The following SLC22A5 variants were observed in gnomAD, a reference collection of about 807,000 sequenced individuals.
SLC22A5 encodes organic cation/carnitine transporter 2.
In SLC22A5, 44 loss-of-function variants were observed where a neutral mutation model predicts 56.7. The ratio of observed to expected loss-of-function variants is 0.78; its 90% CI spans 0.61 to 1.00. The LOEUF is 1.00. SLC22A5 is among the 50% of genes least tolerant of loss of function. The pLI is 0.00. For synonymous variants in SLC22A5, 278 were observed against 292.1 expected (o/e 0.95, Z 0.49); for missense variants, 675 against 723.0 (o/e 0.93, Z 0.76).
At chr5:132,383,923 T>A in intron 2 of SLC22A5, 1 of 590,088 alleles carries the variant, frequency 1.7e-6, no homozygotes, top group Non-Finnish European at 3.0e-6. Context: ...TAGCATTGCT[T>A]TTTAGGCAAC....
Position 132,387,074 on chromosome 5 carries a change from G to C in SLC22A5, c.874G>C (p.Glu292Gln). Residue 292 changes from glutamate to glutamine, a missense_variant, in exon 5 of 10, where the codon GAG becomes CAG. Physicochemically the swap from Glu to Gln is conservative, Grantham distance 29. Coordinates refer to ENST00000245407, the MANE Select transcript of SLC22A5 (RefSeq NM_003060.4). ...GCTCATCTCTCAGGGACGATTTGAAGAGGCAGAGGTGATCATCCGCAAGGC... is the reference window on the plus strand; with the variant it reads ...GCTCATCTCTCAGGGACGATTTGAACAGGCAGAGGTGATCATCCGCAAGGC... ...RWLISQGRFE[E>Q]AEVIIRKAAK... 1 of 1,614,152 alleles carries C rather than the reference G, an allele frequency of 6.2e-7. No homozygotes were observed. Among genetic ancestry groups the C allele is most frequent in the Non-Finnish European group, 8.5e-7 (1 of 1,179,984 alleles).
At position 132,387,146 on chromosome 5, in the gene SLC22A5, A is replaced by G; in HGVS notation, c.946A>G (p.Ser316Gly). The G allele has an allele frequency of 6.2e-7, 1 of 1,614,142 alleles. No individual in the cohort carries two copies. Among genetic ancestry groups the G allele is most frequent in the Non-Finnish European group, 8.5e-7 (1 of 1,180,018 alleles). Residue 316 changes from serine to glycine, a missense_variant, in exon 5 of 10, where the codon AGT (serine) becomes GGT (glycine). Ser to Gly is a moderately conservative substitution (Grantham distance 56). Transcript: ENST00000245407. ...TGTGCCTTCCACTATCTTTGACCCG[A>G]GTGAGGTAAGCACCATGTGGGTGTG... ...IVVPSTIFDPSELQDLSSKKQ... is the reference protein window; with the variant it reads ...IVVPSTIFDPGELQDLSSKKQ...
chr5:132,388,496 A>T (rs933495473), intron 5 of SLC22A5, among the ~76,000 whole-genome samples: 3 of 152,144 alleles, frequency 2.0e-5, no homozygotes, highest in African/African-American at 7.2e-5. Context: ...AAGGACTCAA[A>T]ACATTAACTT....
At chr5:132,387,372 A>T (rs1186089785) in intron 5 of SLC22A5, among the ~76,000 whole-genome samples, 1 of 140,394 alleles carries the variant, frequency 7.1e-6, no homozygotes, top group Non-Finnish European at 1.5e-5. Context: ...TCTTTTCACC[A>T]CGGGTTTCAG....
At chr5:132,386,979 G>C (rs374532269) in intron 4 of SLC22A5, 46 bp from the exon 5 acceptor site, 159 of 1,610,546 alleles carry the variant, frequency 9.9e-5, no homozygotes, top group Middle Eastern at 1.7e-4. Flanking sequence ...CTGTGGGTCT[G>C]CTGTTGGCAG....
At chr5:132,371,684 T>A (rs1027041143) in intron 1 of SLC22A5, among the ~76,000 whole-genome samples, 1 of 152,066 alleles carries the variant, frequency 6.6e-6, no homozygotes, top group African/African-American at 2.4e-5. Context: ...AGAGGAGGCC[T>A]CTCCGTGAGC....
intron 1 of SLC22A5, among the ~76,000 whole-genome samples, chr5:132,374,667 G>A (rs967116941): frequency 1.3e-5 from 2 of 152,162 alleles, no homozygotes; most frequent in South Asian, 2.1e-4. Flanking sequence ...CTGGCCATGA[G>A]TGGTCAGATT....
intron 5 of SLC22A5, among the ~76,000 whole-genome samples, chr5:132,388,561 G>A (rs1475715886): frequency 1.3e-5 from 2 of 152,128 alleles, no homozygotes; most frequent in African/African-American, 2.4e-5. Context: ...CTGACCCAGA[G>A]GGCAGGGAGC....
chr5:132,377,863 G>T (rs34452667), intron 1 of SLC22A5: 30,144 of 391,430 alleles, frequency 0.077, 1,791 homozygotes, highest in East Asian at 0.29. Context: ...GGACCCGGGG[G>T]TCATTGGCCC....
rs80268429 is a variant in SLC22A5, at chr5:132,369,936, G to A, written c.-37G>A. ...ACGCGCAAAGCCCGCCGCGTTCCCCGACCCCAGGCCGCGCTCTGTGGGCCT... is the reference window on the plus strand; with the variant it reads ...ACGCGCAAAGCCCGCCGCGTTCCCCAACCCCAGGCCGCGCTCTGTGGGCCT... On this transcript the variant is annotated 5_prime_UTR_variant, in exon 1 of 10. Transcript: ENST00000245407. The A allele has an allele frequency of 6.2e-7, 1 of 1,608,536 alleles. No individual in the cohort carries two copies. Among genetic ancestry groups the A allele is most frequent in the East Asian group, 2.2e-5 (1 of 44,716 alleles).
chr5:132,379,819 T>G (rs1371554490), intron 2 of SLC22A5: 1 of 152,176 alleles, frequency 6.6e-6, no homozygotes, highest in Non-Finnish European at 1.5e-5. Flanking sequence ...GTTAACCTGT[T>G]TATTATTCCT....
intron 2 of SLC22A5, chr5:132,383,752 C>G: frequency 3.8e-6 from 1 of 263,322 alleles, no homozygotes; most frequent in Admixed American, 5.1e-5. Flanking sequence ...AAAATCAGGA[C>G]AAATGTTTCT....
chr5:132,393,528 G>C, intron 8 of SLC22A5, 148 bp from the exon 9 acceptor site: 1 of 1,008,060 alleles, frequency 9.9e-7, no homozygotes, highest in South Asian at 1.3e-5. Context: ...CTAGATGCCA[G>C]ATTCTAATCT....
At chr5:132,385,642 T>C in intron 4 of SLC22A5, 143 bp downstream of exon 4, 1 of 768,838 alleles carries the variant, frequency 1.3e-6, no homozygotes, top group Non-Finnish European at 2.2e-6. Flanking sequence ...CAGAATGTTT[T>C]CTCCACACTC....
chr5:132,386,876 A>T, intron 4 of SLC22A5, 149 bp from the exon 5 acceptor site: 1 of 851,512 alleles, frequency 1.2e-6, no homozygotes, highest in Non-Finnish European at 2.0e-6. Flanking sequence ...CTGCGTGTGG[A>T]TCAGCTCTTT....
At position 132,385,514 on chromosome 5, in the gene SLC22A5, G is replaced by A; in HGVS notation, c.824+15G>A. The A allele has an allele frequency of 2.5e-6, 4 of 1,610,276 alleles. No homozygotes were observed. Among genetic ancestry groups the A allele is most frequent in the Admixed American group, 1.7e-5 (1 of 60,020 alleles). ...GCACTCTGGTGGTGAGTGTGACCTT[G>A]TGCCCCATGTGCCCACTGGCAGGAT... On this transcript the variant is annotated intron_variant, in intron 4 of 9. Coordinates refer to ENST00000245407, the MANE Select transcript of SLC22A5 (RefSeq NM_003060.4).
chr5:132,389,658 C>T (rs565146158), intron 6 of SLC22A5: 13 of 159,906 alleles, frequency 8.1e-5, no homozygotes, highest in South Asian at 3.5e-4. Flanking sequence ...GGTGGGTTAG[C>T]GGTGAGAAGA....
intron 2 of SLC22A5, chr5:132,381,871 C>T (rs1225211944): frequency 6.6e-6 from 1 of 152,182 alleles, no homozygotes; most frequent in Non-Finnish European, 1.5e-5. Context: ...CTGGATCTGT[C>T]TCTTCCCTAC....
At chr5:132,373,578 G>A (rs1054502220) in intron 1 of SLC22A5, among the ~76,000 whole-genome samples, 2 of 152,178 alleles carry the variant, frequency 1.3e-5, no homozygotes, top group African/African-American at 4.8e-5. Flanking sequence ...GGGCTTTGCA[G>A]TGAACCGAGA....
Sources: allele counts gnomAD v4.1 joint callset (sites outside exome capture counted in the v4.1 genomes callset), GRCh38; gene constraint gnomAD v4.1.1; transcripts MANE v1.5; gene names NCBI Gene and HGNC (gene_info 2026-07-23, HGNC 2026-07-21).